The following ACOT12 variants were observed in gnomAD, a reference collection of about 807,000 sequenced individuals.
The protein encoded by ACOT12 is acetyl-coenzyme A thioesterase.
ACOT12 carries 51 observed loss-of-function variants against 67.7 expected under a neutral mutation model. The observed-to-expected ratio is 0.75, with a 90% CI of 0.60 to 0.95. The LOEUF (loss-of-function observed/expected upper bound fraction) is 0.95, where lower values mean the gene tolerates loss of function less well. Ranked by LOEUF, ACOT12 falls within the 40% of genes least tolerant of loss-of-function variation. The pLI is 0.00. For synonymous variants in ACOT12, 251 were observed against 244.6 expected (o/e 1.03, Z -0.24); for missense variants, 734 against 708.1 (o/e 1.04, Z -0.41).
At chr5:81,357,343 C>T (rs1174599721) in intron 5 of ACOT12, among the ~76,000 whole-genome samples, 1 of 152,134 alleles carries the variant, frequency 6.6e-6, no homozygotes, top group Non-Finnish European at 1.5e-5. Flanking sequence ...CATCTTTATA[C>T]CTCTAGTGGC....
chr5:81,344,954 A>G lies in ACOT12; in HGVS notation c.861T>C (p.Ile287=). Residue 287 remains isoleucine (I), a synonymous_variant, in exon 8 of 15, where the codon ATT becomes ATC. Coordinates refer to ENST00000307624, the MANE Select transcript of ACOT12 (RefSeq NM_130767.3). ...RGRHINSAFL[I]YNAADDKENL... ...TTTCCTTATCATCAGCAGCATTGTAAATGAGAAAAGCACTGTTGATGTGAC... is the reference window on the plus strand; with the variant it reads ...TTTCCTTATCATCAGCAGCATTGTAGATGAGAAAAGCACTGTTGATGTGAC... 1.9e-6 allele frequency: 3 copies of G among 1,614,146 alleles called. No homozygotes were observed. The highest frequency in any genetic ancestry group is 8.5e-7 in the Non-Finnish European group (1 of 1,180,018).
At chr5:81,380,123 T>C (rs1760535311) in intron 2 of ACOT12, among the ~76,000 whole-genome samples, 1 of 152,232 alleles carries the variant, frequency 6.6e-6, no homozygotes, top group Non-Finnish European at 1.5e-5. Context: ...AATTTAAATT[T>C]CTGGCACAGT....
rs760486039 is a variant in ACOT12 at position 81,343,878 on chromosome 5, T to C, written c.984A>G (p.Lys328=). The C allele has an allele frequency of 1.2e-6, 2 of 1,612,230 alleles. No homozygotes were observed. Among genetic ancestry groups the C allele is most frequent in the Admixed American group, 1.7e-5 (1 of 59,474 alleles). The change falls in exon 10 of 15, where the codon AAA becomes AAG. Residue 328 remains lysine, a synonymous_variant. Coordinates refer to ENST00000307624, the MANE Select transcript of ACOT12 (RefSeq NM_130767.3). ...IARKRIRLGR[K]YVISHKEEVP... ...CCTCTTCTTTGTGGGAAATAACATA[T>C]TTTCTGGAAAAAAAAATTAAAGTGT...
intron 6 of ACOT12, among the ~76,000 whole-genome samples, chr5:81,347,134 T>A: frequency 6.6e-6 from 1 of 152,292 alleles, no homozygotes; most frequent in East Asian, 1.9e-4. Flanking sequence ...TAACTGACTT[T>A]ATTTATTTAC....
intron 13 of ACOT12, among the ~76,000 whole-genome samples, chr5:81,331,344 C>G (rs1391266217): frequency 6.6e-6 from 1 of 152,084 alleles, no homozygotes; most frequent in Non-Finnish European, 1.5e-5. Context: ...TCGAGGCTAT[C>G]CTGACCAACA....
intron 5 of ACOT12, among the ~76,000 whole-genome samples, chr5:81,352,623 T>G (rs1580552656): frequency 6.6e-6 from 1 of 151,480 alleles, no homozygotes; most frequent in Non-Finnish European, 1.5e-5. Flanking sequence ...AGTGGGAGGG[T>G]GGGGATGGTT....
At chr5:81,374,221 A>T (rs541162830) in intron 2 of ACOT12, among the ~76,000 whole-genome samples, 29 of 152,216 alleles carry the variant, frequency 1.9e-4, no homozygotes, top group Non-Finnish European at 3.5e-4. Context: ...CCTCCAGCAA[A>T]CTCCAGCAGA....
At chr5:81,327,146 T>C (rs1580518905), downstream of ACOT12, among the ~76,000 whole-genome samples, 1 of 146,932 alleles carries the variant, frequency 6.8e-6, no homozygotes, top group East Asian at 1.9e-4. Context: ...ACCATGTGAT[T>C]ATATATATGT....
chr5:81,323,430 C>T, the ACOT12 span, among the ~76,000 whole-genome samples: 4 of 152,172 alleles, frequency 2.6e-5, no homozygotes, highest in Non-Finnish European at 4.4e-5. Context: ...CTGGGACCAT[C>T]AGACTAACCT....
chr5:81,376,223 C>A (rs965371822), intron 2 of ACOT12, among the ~76,000 whole-genome samples: 5 of 152,032 alleles, frequency 3.3e-5, no homozygotes, highest in African/African-American at 4.8e-5. Context: ...ACTGAACAAC[C>A]TGCTCCTGAA....
chr5:81,340,506 C>A (rs538056940), intron 11 of ACOT12, among the ~76,000 whole-genome samples: 2 of 152,164 alleles, frequency 1.3e-5, no homozygotes, highest in East Asian at 3.9e-4. Context: ...GGATTACAGG[C>A]GCCTGCCACT....
At chr5:81,313,882 A>T in the ACOT12 span, among the ~76,000 whole-genome samples, 1 of 152,202 alleles carries the variant, frequency 6.6e-6, no homozygotes, top group African/African-American at 2.4e-5. Flanking sequence ...GCTTAAGGAA[A>T]TGAGTGCTAT....
At chr5:81,327,745 T>C (rs1758709368), downstream of ACOT12, among the ~76,000 whole-genome samples, 1 of 152,160 alleles carries the variant, frequency 6.6e-6, no homozygotes, top group African/African-American at 2.4e-5. Context: ...CTGGCTGAGA[T>C]TCCTTTCTTA....
intron 3 of ACOT12, among the ~76,000 whole-genome samples, chr5:81,370,690 C>A (rs1237159637): frequency 6.6e-6 from 1 of 152,174 alleles, no homozygotes. Context: ...AGAAACCATC[C>A]TTGCCCATAT....
chr5:81,326,314 G>C (rs1758675634), downstream of ACOT12, among the ~76,000 whole-genome samples: 1 of 151,572 alleles, frequency 6.6e-6, no homozygotes, highest in Admixed American at 6.6e-5. Context: ...AGTACAGATG[G>C]GGTTTCTTCA....
chr5:81,376,325 G>C (rs1490602787), intron 2 of ACOT12, among the ~76,000 whole-genome samples: 1 of 151,938 alleles, frequency 6.6e-6, no homozygotes, highest in African/African-American at 2.4e-5. Context: ...GAATATCTGG[G>C]ACATATTTAA....
At chr5:81,374,573 A>G (rs1760351971) in intron 2 of ACOT12, among the ~76,000 whole-genome samples, 1 of 152,162 alleles carries the variant, frequency 6.6e-6, no homozygotes, top group Non-Finnish European at 1.5e-5. Flanking sequence ...TAACCCAATG[A>G]AAGGAAGCTA....
rs899255702 is a variant in ACOT12, at chr5:81,385,818, G to A, written c.136C>T (p.His46Tyr). 3.1e-6 allele frequency: 5 copies of A among 1,613,932 alleles called. No homozygotes were observed. Among genetic ancestry groups the A allele is most frequent in the East Asian group, 2.2e-5 (1 of 44,858 alleles). Reference sequence around the variant, plus strand: ...GCTGTAACGCAGGAAACTCCAGCATGTTTCTCAGCTTCAAAAAATACATAA... The same window carrying A: ...GCTGTAACGCAGGAAACTCCAGCATATTTCTCAGCTTCAAAAAATACATAA... ...DTTACLAAEK[H>Y]AGVSCVTASV... Residue 46 changes from histidine to tyrosine, a missense_variant, in exon 2 of 15, where the codon CAT becomes TAT. Physicochemically the swap from His to Tyr is moderately conservative, Grantham distance 83. Coordinates refer to ENST00000307624, the MANE Select transcript of ACOT12 (RefSeq NM_130767.3).
the ACOT12 span, among the ~76,000 whole-genome samples, chr5:81,316,584 G>A: frequency 6.6e-6 from 1 of 152,122 alleles, no homozygotes; most frequent in Non-Finnish European, 1.5e-5. Flanking sequence ...AATCTTGTGA[G>A]GACATGTTTT....
Sources: allele counts gnomAD v4.1 joint callset (sites outside exome capture counted in the v4.1 genomes callset), GRCh38; gene constraint gnomAD v4.1.1; transcripts MANE v1.5; gene names NCBI Gene and HGNC (gene_info 2026-07-23, HGNC 2026-07-21).